MYO5A: variants seen among roughly 807,000 people sequenced by gnomAD.
The protein encoded by MYO5A is myosin VA.
In MYO5A, 98 loss-of-function variants were observed where a neutral mutation model predicts 249.7. That is an observed-to-expected ratio of 0.39 (90% confidence interval 0.33 to 0.46). The LOEUF is 0.46. Among genes scored for constraint, MYO5A ranks in the 20% least tolerant of loss-of-function variants. The pLI is 0.98. For missense variants in MYO5A, 1,696 were observed against 2,308.8 expected (o/e 0.73, Z 5.44); for synonymous variants, 778 against 810.6 (o/e 0.96, Z 0.68).
At chr15:52,398,503 C>T (rs1032965096) in intron 9 of MYO5A, among the ~76,000 whole-genome samples, 4 of 152,144 alleles carry the variant, frequency 2.6e-5, no homozygotes, top group African/African-American at 9.7e-5. Context: ...CAATTGATGT[C>T]AGAGTTGGCA....
intron 1 of MYO5A, 53 bp downstream of exon 1, chr15:52,528,727 G>A: frequency 1.3e-6 from 2 of 1,484,058 alleles, no homozygotes; most frequent in Non-Finnish European, 1.8e-6. Flanking sequence ...CTGACAGCTG[G>A]CGGCGAGGGC....
chr15:52,528,246 C>T (rs1195483111), intron 1 of MYO5A, among the ~76,000 whole-genome samples: 1 of 152,150 alleles, frequency 6.6e-6, no homozygotes, highest in Non-Finnish European at 1.5e-5. Flanking sequence ...GGCTCGCCAC[C>T]CCCAGCGCAG....
chr15:52,453,723 G>GT (rs1223723011), intron 1 of MYO5A, among the ~76,000 whole-genome samples: 10 of 151,708 alleles, frequency 6.6e-5, no homozygotes, highest in East Asian at 1.9e-4. Context: ...GATTATAGAG[G>GT]TTTTTTTTAA....
intron 34 of MYO5A, among the ~76,000 whole-genome samples, chr15:52,333,181 T>A (rs1489845476): frequency 6.8e-6 from 1 of 147,454 alleles, no homozygotes; most frequent in Non-Finnish European, 1.5e-5. Context: ...CAGTCTCAAG[T>A]ACTTTGTTAT....
chr15:52,347,745 A>C (rs1217093098), intron 29 of MYO5A, among the ~76,000 whole-genome samples: 1 of 152,242 alleles, frequency 6.6e-6, no homozygotes, highest in East Asian at 1.9e-4. Context: ...TATACTAATA[A>C]ATAGTTTACA....
intron 1 of MYO5A, among the ~76,000 whole-genome samples, chr15:52,495,297 C>A (rs1466273602): frequency 6.6e-6 from 1 of 151,972 alleles, no homozygotes; most frequent in Non-Finnish European, 1.5e-5. Context: ...AAGCTAGTCA[C>A]AGAGATATAA....
At chr15:52,433,780 T>C (rs989689443) in intron 1 of MYO5A, among the ~76,000 whole-genome samples, 11 of 152,112 alleles carry the variant, frequency 7.2e-5, no homozygotes, top group Middle Eastern at 3.4e-3. Flanking sequence ...GCACCACCAT[T>C]CCCAAATTAT....
At chr15:52,448,145 TG>T (rs1218827511) in intron 1 of MYO5A, among the ~76,000 whole-genome samples, 2 of 152,130 alleles carry the variant, frequency 1.3e-5, no homozygotes, top group Admixed American at 6.5e-5. Context: ...AGCTGTGGGG[TG>T]GGGCAGAGCC....
chr15:52,432,448 A>G (rs2075561030), intron 2 of MYO5A, among the ~76,000 whole-genome samples: 2 of 152,222 alleles, frequency 1.3e-5, no homozygotes, highest in Admixed American at 6.5e-5. Context: ...AAAATCCAAT[A>G]TAGTCAAATA....
chr15:52,390,746 G>T (rs150739187), intron 12 of MYO5A, among the ~76,000 whole-genome samples: 219 of 151,746 alleles, frequency 1.4e-3, no homozygotes, highest in Middle Eastern at 3.4e-3. Context: ...TTTTTTTGTA[G>T]ACGGGGTTTC....
chr15:52,371,091 T>C (rs1333816244), intron 21 of MYO5A, among the ~76,000 whole-genome samples: 1 of 151,400 alleles, frequency 6.6e-6, no homozygotes, highest in Non-Finnish European at 1.5e-5. Flanking sequence ...TTAGCCTGGG[T>C]GACAGGGTGA....
chr15:52,528,414 C>T (rs1050781522), intron 1 of MYO5A, among the ~76,000 whole-genome samples: 2 of 152,222 alleles, frequency 1.3e-5, no homozygotes, highest in South Asian at 2.1e-4. Flanking sequence ...TCTACTGGAG[C>T]AAGCATCTCC....
chr15:52,389,630 A>T (rs1040651635), intron 12 of MYO5A, among the ~76,000 whole-genome samples: 7 of 152,090 alleles, frequency 4.6e-5, no homozygotes, highest in African/African-American at 1.7e-4. Flanking sequence ...TCATCAAATA[A>T]ATTTGTTGTT....
intron 1 of MYO5A, among the ~76,000 whole-genome samples, chr15:52,451,529 C>A (rs2076020205): frequency 1.3e-5 from 2 of 152,188 alleles, no homozygotes; most frequent in Admixed American, 1.3e-4. Flanking sequence ...CCCCTATGAG[C>A]CCTGCATTAT....
At chr15:52,381,073 C>T (rs767639647) in intron 16 of MYO5A, among the ~76,000 whole-genome samples, 4 of 152,202 alleles carry the variant, frequency 2.6e-5, no homozygotes, top group Non-Finnish European at 4.4e-5. Flanking sequence ...GTTAAACTGG[C>T]ACTGAAGAGG....
At chr15:52,475,375 G>T (rs1359324860) in intron 1 of MYO5A, among the ~76,000 whole-genome samples, 2 of 152,072 alleles carry the variant, frequency 1.3e-5, no homozygotes. Flanking sequence ...GGTTTTTTGT[G>T]TCTCTATCTC....
intron 10 of MYO5A, 148 bp from the exon 11 acceptor site, chr15:52,396,545 C>A: frequency 1.6e-6 from 1 of 614,898 alleles, no homozygotes; most frequent in East Asian, 2.8e-5. Flanking sequence ...ATAAAGATTT[C>A]TAAGTCAGTA....
chr15:52,429,340 G>T (rs1280456023), intron 2 of MYO5A, among the ~76,000 whole-genome samples: 2 of 152,048 alleles, frequency 1.3e-5, no homozygotes, highest in South Asian at 4.1e-4. Context: ...GATTACCTGA[G>T]GTCAGGAGTT....
At chr15:52,346,195 T>C (rs1399813866) in intron 30 of MYO5A, among the ~76,000 whole-genome samples, 166 bp downstream of exon 30, 1 of 152,208 alleles carries the variant, frequency 6.6e-6, no homozygotes, top group Non-Finnish European at 1.5e-5. Flanking sequence ...TATATTATAA[T>C]GAAGATCTTA....
Sources: gnomAD v4.1 joint callset for allele counts (sites outside exome capture counted in the v4.1 genomes callset) on GRCh38, gnomAD v4.1.1 for gene constraint, MANE v1.5 for transcripts, NCBI Gene and HGNC (gene_info 2026-07-23, HGNC 2026-07-21) for gene names.